Variants in TRAPPC9 observed in about 807,000 individuals in gnomAD.
TRAPPC9 encodes trafficking protein particle complex subunit 9.
In TRAPPC9, 83 loss-of-function variants were observed where a neutral mutation model predicts 124.0. That is an observed-to-expected ratio of 0.67 (90% CI 0.56 to 0.80). TRAPPC9 has a LOEUF of 0.80. TRAPPC9 is among the 30% of genes least tolerant of loss of function. TRAPPC9 has a pLI of 0.00. For synonymous variants in TRAPPC9, 638 were observed against 617.5 expected, an observed-to-expected ratio of 1.03 and a Z score of -0.49; for missense variants, 1,302 against 1,508.3, an observed-to-expected ratio of 0.86 and a Z score of 2.27.
chr8:139,987,396 C>T (rs949044900), intron 19 of TRAPPC9, among the ~76,000 whole-genome samples: 2 of 152,232 alleles, frequency 1.3e-5, no homozygotes, highest in Non-Finnish European at 2.9e-5. Flanking sequence ...GCTCCACACC[C>T]TCACCAACAT....
chr8:140,457,851 G>T, upstream of TRAPPC9: 1 of 1,117,018 alleles, frequency 9.0e-7, no homozygotes. Flanking sequence ...GGGTAGGAGC[G>T]AGGGAGAAAA....
At chr8:139,879,233 G>A (rs1170989111) in intron 21 of TRAPPC9, among the ~76,000 whole-genome samples, 1 of 152,176 alleles carries the variant, frequency 6.6e-6, no homozygotes, top group African/African-American at 2.4e-5. Context: ...GGGGCGCAGG[G>A]AACACGGCAG....
rs76920047 is a variant in TRAPPC9, at chr8:140,219,373, C to T, written c.2556+2086G>A. On this transcript the variant is annotated intron_variant, in intron 17 of 22. Transcript: ENST00000438773. Reference sequence around the variant, plus strand: ...CGATAGCCGCTTGAACGTTACAAAACGTTACGTTTTCCCTTTGAGATAGTC... The same window carrying T: ...CGATAGCCGCTTGAACGTTACAAAATGTTACGTTTTCCCTTTGAGATAGTC... 4.6e-3 allele frequency among the ~76,000 whole-genome samples: 701 copies of T among 152,284 alleles called. 6 individuals are homozygous for T. The highest frequency in any genetic ancestry group is 0.016 in the African/African-American group (655 of 41,550).
At chr8:139,959,413 TC>T (rs1166767303) in intron 19 of TRAPPC9, among the ~76,000 whole-genome samples, 1 of 152,150 alleles carries the variant, frequency 6.6e-6, no homozygotes, top group African/African-American at 2.4e-5. Flanking sequence ...TAGGTCATTA[TC>T]CCCATTTTAT....
chr8:140,222,169 G>A (rs532659469), intron 16 of TRAPPC9, among the ~76,000 whole-genome samples: 5 of 152,070 alleles, frequency 3.3e-5, no homozygotes, highest in East Asian at 1.9e-4. Flanking sequence ...CCCTCCCTTC[G>A]TGCAGCCAGC....
At chr8:140,056,110 A>C (rs1019455123) in intron 17 of TRAPPC9, among the ~76,000 whole-genome samples, 21 of 152,250 alleles carry the variant, frequency 1.4e-4, no homozygotes, top group Middle Eastern at 3.4e-3. Flanking sequence ...AAGCTATAGT[A>C]ATTAAAACAG....
At chr8:140,116,909 A>AAGTAGGCGGAGTTCAGTG (rs1452278330) in intron 17 of TRAPPC9, among the ~76,000 whole-genome samples, 7 of 101,588 alleles carry the variant, frequency 6.9e-5, no homozygotes, top group Admixed American at 3.2e-4. Flanking sequence ...GGAGTTCAGT[A>AAGTAGGCGGAGTTCAGTG]AGTAGGCGGA....
intron 17 of TRAPPC9, among the ~76,000 whole-genome samples, chr8:140,122,795 T>G (rs1170088740): frequency 1.3e-5 from 2 of 152,240 alleles, no homozygotes; most frequent in East Asian, 3.9e-4. Flanking sequence ...GGCAGGTGAC[T>G]CAGCCATGAG....
intron 9 of TRAPPC9, among the ~76,000 whole-genome samples, chr8:140,350,679 A>G (rs2067539927): frequency 6.6e-6 from 1 of 152,006 alleles, no homozygotes; most frequent in East Asian, 1.9e-4. Flanking sequence ...GCAGAAGCGC[A>G]CCGTTCAAGA....
chr8:140,221,595 G>T lies in TRAPPC9; in HGVS notation c.2432-12C>A, dbSNP rs1365054084. 1 of 1,612,776 alleles carries T rather than the reference G, an allele frequency of 6.2e-7. No individual in the cohort carries two copies. On this transcript the variant is annotated splice_polypyrimidine_tract_variant and intron_variant, in intron 16 of 22. Transcript: ENST00000438773. ...CACACTGATTCCATCTACAAAATAA[G>T]AACAAAAATCATAAGTAACACGTCA...
intron 18 of TRAPPC9, among the ~76,000 whole-genome samples, chr8:140,022,728 G>A (rs1163138356): frequency 6.6e-6 from 1 of 152,188 alleles, no homozygotes; most frequent in Non-Finnish European, 1.5e-5. Flanking sequence ...TTCCCCAGGG[G>A]CAAGTGCTTT....
chr8:139,881,713 A>T, intron 21 of TRAPPC9, among the ~76,000 whole-genome samples: 1 of 129,228 alleles, frequency 7.7e-6, no homozygotes. Context: ...ACCAACTGCT[A>T]ACCATCTCTC....
In TRAPPC9 at chr8:140,275,792, C is replaced by G. The variant is rs565655425; in HGVS notation, c.2144G>C (p.Gly715Ala). The G allele has an allele frequency of 6.2e-6, 10 of 1,613,270 alleles. No individual in the cohort carries two copies. The South Asian group carries it at 8.8e-5, about 14-fold the overall frequency. ...RSAHSLQPSS[G>A]DEISTNVSVQ... ...AGATACATTAGTAGATATTTCATCA[C>G]CAGAAGAAGGTTGCAATGAATGTGC... The change falls in exon 15 of 23, where the codon GGT (glycine) becomes GCT (alanine). Residue 715 changes from glycine (G) to alanine (A), a missense_variant. Gly to Ala is a moderately conservative substitution (Grantham distance 60). Transcript: ENST00000438773.
At chr8:140,236,121 C>T (rs1266278533) in intron 16 of TRAPPC9, among the ~76,000 whole-genome samples, 1 of 130,522 alleles carries the variant, frequency 7.7e-6, no homozygotes, top group African/African-American at 2.9e-5. Flanking sequence ...CTCACTTTGT[C>T]ACCCAGGCTG....
intron 19 of TRAPPC9, among the ~76,000 whole-genome samples, chr8:139,952,039 A>T (rs987292746): frequency 2.0e-5 from 3 of 152,220 alleles, no homozygotes; most frequent in African/African-American, 7.2e-5. Context: ...TCTAAGGAGT[A>T]AGGTGAAGGA....
At chr8:140,064,289 C>T (rs1422427758) in intron 17 of TRAPPC9, among the ~76,000 whole-genome samples, 2 of 152,106 alleles carry the variant, frequency 1.3e-5, no homozygotes, top group African/African-American at 4.8e-5. Context: ...TCTGGTTTTA[C>T]AACGTGACAT....
rs77352972 is a variant in TRAPPC9, at chr8:139,829,326, A to G, written c.3055+56553T>C. Reference sequence around the variant, plus strand: ...TCTCACAATCACTGTGCAGACAAACAGGAGGAAGCAGACGATAGGGATGTC... The same window carrying G: ...TCTCACAATCACTGTGCAGACAAACGGGAGGAAGCAGACGATAGGGATGTC... On this transcript the variant is annotated intron_variant, in intron 21 of 22. Transcript: ENST00000438773. Among the ~76,000 whole-genome samples, 1,178 of 152,372 alleles carry G rather than the reference A, an allele frequency of 7.7e-3. 17 individuals carry two copies. The highest frequency in any genetic ancestry group is 0.026 in the African/African-American group (1,099 of 41,598).
chr8:140,183,857 A>T (rs1416086341), intron 17 of TRAPPC9, among the ~76,000 whole-genome samples: 2 of 43,820 alleles, frequency 4.6e-5, no homozygotes, highest in African/African-American at 1.5e-4. Context: ...TTTGTCAAAA[A>T]AAAAAAAGAA....
In TRAPPC9 at chr8:140,156,309, G is replaced by A. The variant is rs1191671726; in HGVS notation, c.2556+65150C>T. On this transcript the variant is annotated intron_variant, in intron 17 of 22. Coordinates refer to ENST00000438773, the MANE Select transcript of TRAPPC9 (RefSeq NM_001160372.4). The stretch of plus-strand genomic sequence containing the variant: ...TGCAACCTGGACATTCACTAGTTAT[G>A]TAACTTCAGTGCAATCATTTAACAT... 1.4e-4 allele frequency among the ~76,000 whole-genome samples: 21 copies of A among 152,294 alleles called. 1 individual carries two copies. Among genetic ancestry groups the A allele is most frequent in the Admixed American group, 1.4e-3 (21 of 15,290 alleles).
Sources: allele counts gnomAD v4.1 joint callset (sites outside exome capture counted in the v4.1 genomes callset), GRCh38; gene constraint gnomAD v4.1.1; transcripts MANE v1.5; gene names NCBI Gene and HGNC (gene_info 2026-07-23, HGNC 2026-07-21).